The following DOCK4 variants were observed in gnomAD, a reference collection of about 807,000 sequenced individuals.
The protein encoded by DOCK4 is dedicator of cytokinesis protein 4.
Under a neutral mutation model 268.1 loss-of-function variants are expected in DOCK4, and 97 were observed. The observed-to-expected ratio is 0.36, with a 90% CI of 0.31 to 0.43. The LOEUF (loss-of-function observed/expected upper bound fraction) is 0.43, where lower values mean the gene tolerates loss of function less well. DOCK4 is among the 20% of genes least tolerant of loss of function. The pLI is 1.00. For missense variants in DOCK4, 2,145 were observed against 2,455.7 expected (o/e 0.87, Z 2.67); for synonymous variants, 954 against 887.2 (o/e 1.08, Z -1.34).
chr7:111,776,587 C>G (rs1339868948), intron 36 of DOCK4, among the ~76,000 whole-genome samples: 3 of 152,070 alleles, frequency 2.0e-5, no homozygotes, highest in Non-Finnish European at 4.4e-5. Context: ...TTACAGTCCT[C>G]AAAATGAGGA....
At chr7:112,104,286 T>C (rs997036960) in intron 1 of DOCK4, among the ~76,000 whole-genome samples, 2 of 152,234 alleles carry the variant, frequency 1.3e-5, no homozygotes, top group East Asian at 1.9e-4. Flanking sequence ...CTGTGTGTTC[T>C]GGAATATGAA....
intron 1 of DOCK4, among the ~76,000 whole-genome samples, chr7:112,185,157 G>C (rs769090529): frequency 1.3e-5 from 2 of 152,162 alleles, no homozygotes; most frequent in Non-Finnish European, 2.9e-5. Context: ...CTGGCAGTGT[G>C]GGGGCCACAG....
chr7:111,774,977 T>G (rs1022798101), intron 36 of DOCK4, among the ~76,000 whole-genome samples: 12 of 152,236 alleles, frequency 7.9e-5, no homozygotes, highest in African/African-American at 2.7e-4. Flanking sequence ...GGTTGTAGTT[T>G]GTTGACTCCT....
chr7:111,930,133 G>C (rs546252220), intron 12 of DOCK4, among the ~76,000 whole-genome samples: 1 of 152,202 alleles, frequency 6.6e-6, no homozygotes, highest in African/African-American at 2.4e-5. Flanking sequence ...CATTGCCTTT[G>C]GATTTAAAAT....
chr7:111,870,682 C>T (rs1806350787), intron 20 of DOCK4, among the ~76,000 whole-genome samples: 1 of 152,154 alleles, frequency 6.6e-6, no homozygotes, highest in Non-Finnish European at 1.5e-5. Context: ...GGGGAGAATA[C>T]TTGGATGTGC....
intron 23 of DOCK4, among the ~76,000 whole-genome samples, chr7:111,853,460 C>T (rs1468030440): frequency 1.3e-5 from 2 of 152,162 alleles, no homozygotes. Context: ...CTGGGATGGG[C>T]CTCTGTGATC....
At chr7:111,918,211 T>C (rs1792781044) in intron 12 of DOCK4, among the ~76,000 whole-genome samples, 3 of 152,320 alleles carry the variant, frequency 2.0e-5, no homozygotes, top group Admixed American at 2.0e-4. Context: ...CATGACGACA[T>C]GATCGTGTCC....
At chr7:112,029,562 T>A (rs1329082908) in intron 1 of DOCK4, among the ~76,000 whole-genome samples, 1 of 152,248 alleles carries the variant, frequency 6.6e-6, no homozygotes, top group Non-Finnish European at 1.5e-5. Flanking sequence ...GGATGAGAAC[T>A]GTTAGTAACC....
intron 7 of DOCK4, among the ~76,000 whole-genome samples, chr7:111,982,848 A>G (rs1390860254): frequency 6.6e-6 from 1 of 152,250 alleles, no homozygotes; most frequent in South Asian, 2.1e-4. Flanking sequence ...AAAGAATATG[A>G]TGTTCAATAA....
chr7:111,807,493 T>C (rs1301550487), intron 30 of DOCK4: 3 of 149,014 alleles, frequency 2.0e-5, no homozygotes, highest in African/African-American at 7.5e-5. Context: ...TTTTTTTGAG[T>C]CAGAGTCTCA....
In DOCK4 at chr7:112,204,201, G is replaced by A. The variant is rs527615319; in HGVS notation, c.37+1901C>T. On this transcript the variant is annotated intron_variant, in intron 1 of 52. Transcript: ENST00000428084. ...GTTTTTAAGCCTCTGCCCACCGCTT[G>A]TAAAGAAAGGCAAGAGAGGAACTAA... 2.0e-5 allele frequency among the ~76,000 whole-genome samples: 3 copies of A among 152,260 alleles called. No homozygotes were observed. In the South Asian group the frequency reaches 6.2e-4, roughly 32 times the overall value.
At chr7:111,980,374 T>C (rs895447595) in intron 7 of DOCK4, among the ~76,000 whole-genome samples, 2 of 152,182 alleles carry the variant, frequency 1.3e-5, no homozygotes, top group African/African-American at 4.8e-5. Flanking sequence ...AAAAGTCAAG[T>C]TCACACTTCA....
At chr7:112,096,042 T>C (rs1395704213) in intron 1 of DOCK4, among the ~76,000 whole-genome samples, 3 of 152,124 alleles carry the variant, frequency 2.0e-5, no homozygotes, top group East Asian at 1.9e-4. Context: ...TGTGCTGAGA[T>C]TGCACCATTG....
chr7:112,204,331 G>C (rs774681323), intron 1 of DOCK4, among the ~76,000 whole-genome samples: 2 of 152,270 alleles, frequency 1.3e-5, no homozygotes, highest in South Asian at 4.1e-4. Context: ...CAACATCTGG[G>C]ATCGACTCCA....
intron 8 of DOCK4, among the ~76,000 whole-genome samples, chr7:111,954,725 C>T (rs942744267): frequency 2.6e-5 from 4 of 152,136 alleles, no homozygotes; most frequent in Admixed American, 1.3e-4. Flanking sequence ...ACCCCTGCCC[C>T]GTCCTCACAT....
At chr7:111,741,263 C>T in intron 46 of DOCK4, 49 bp from the exon 47 acceptor site, 1 of 1,607,384 alleles carries the variant, frequency 6.2e-7, no homozygotes, top group South Asian at 1.1e-5. Flanking sequence ...CCAAATTGTA[C>T]TTTATCATGT....
intron 1 of DOCK4, among the ~76,000 whole-genome samples, chr7:112,144,782 C>T (rs1815285818): frequency 6.6e-6 from 1 of 152,124 alleles, no homozygotes; most frequent in African/African-American, 2.4e-5. Context: ...ACCAAAATAC[C>T]ACATCTCTAA....
chr7:112,063,513 G>C (rs1415248484), intron 1 of DOCK4, among the ~76,000 whole-genome samples: 1 of 152,164 alleles, frequency 6.6e-6, no homozygotes, highest in Admixed American at 6.5e-5. Flanking sequence ...TTTTATAATA[G>C]AGTGTGGAAT....
chr7:111,741,185 T>C lies in DOCK4; in HGVS notation c.4949A>G (p.Tyr1650Cys), dbSNP rs1795890582. 2.5e-6 allele frequency: 4 copies of C among 1,613,772 alleles called. No homozygotes were observed. Among genetic ancestry groups the C allele is most frequent in the Non-Finnish European group, 3.4e-6 (4 of 1,179,880 alleles). The change falls in exon 47 of 53, where the codon TAT (tyrosine) becomes TGT (cysteine). Residue 1650 changes from tyrosine (Y) to cysteine (C), a missense_variant. Tyr to Cys is a radical substitution (Grantham distance 194). Coordinates refer to ENST00000428084, the MANE Select transcript of DOCK4 (RefSeq NM_001363540.2). ...SPLSYPAVNR[Y>C]SSSSLSSQAS... ...TTGTGAGGACAGTGAGGAGGAAGAA[T>C]ATCGGTTGACAGCTGGGTAACTTAA...
Sources: allele counts gnomAD v4.1 joint callset (sites outside exome capture counted in the v4.1 genomes callset), GRCh38; gene constraint gnomAD v4.1.1; transcripts MANE v1.5; gene names NCBI Gene and HGNC (gene_info 2026-07-23, HGNC 2026-07-21).